Variants in ANO3 observed in about 807,000 individuals in gnomAD.
ANO3 encodes anoctamin-3.
Under a neutral mutation model 144.8 loss-of-function variants are expected in ANO3, and 99 were observed. The ratio of observed to expected loss-of-function variants is 0.68; its 90% CI spans 0.58 to 0.81. The LOEUF (loss-of-function observed/expected upper bound fraction) is 0.81, where lower values mean the gene tolerates loss of function less well. Ranked by LOEUF, ANO3 falls within the 30% of genes least tolerant of loss-of-function variation. The pLI, the probability that ANO3 is intolerant of heterozygous loss-of-function variation, is 0.00. For missense variants in ANO3, 905 were observed against 1,202.2 expected, an observed-to-expected ratio of 0.75 and a Z score of 3.66; for synonymous variants, 414 against 392.6, an observed-to-expected ratio of 1.05 and a Z score of -0.64.
chr11:26,344,167 T>C (rs1018610311), intron 1 of ANO3, among the ~76,000 whole-genome samples: 1 of 152,182 alleles, frequency 6.6e-6, no homozygotes, highest in Non-Finnish European at 1.5e-5. Flanking sequence ...GCAATATTAT[T>C]CATGGAGTGA....
At chr11:26,651,637 T>C (rs572761016) in intron 24 of ANO3, among the ~76,000 whole-genome samples, 1 of 152,238 alleles carries the variant, frequency 6.6e-6, no homozygotes, top group South Asian at 2.1e-4. Flanking sequence ...TGTTTTTAAA[T>C]GAAGTAATAG....
At chr11:26,595,466 T>TTTTTG (rs1565130564) in intron 14 of ANO3, among the ~76,000 whole-genome samples, 2 of 143,870 alleles carry the variant, frequency 1.4e-5, no homozygotes, top group Admixed American at 7.0e-5. Flanking sequence ...AGTTGTTTTT[T>TTTTTG]TTTTTTTTTT....
At chr11:26,285,980 T>C (rs1853797596) in intron 1 of ANO3, 1 of 152,166 alleles carries the variant, frequency 6.6e-6, no homozygotes, top group Non-Finnish European at 1.5e-5. Context: ...ACACAAGGTG[T>C]TGTGAGTTAT....
Position 26,639,187 on chromosome 11 carries a change from G to T in ANO3, c.2087G>T (p.Gly696Val). The T allele has an allele frequency of 6.2e-7, 1 of 1,613,538 alleles. No individual in the cohort carries two copies. The highest frequency in any genetic ancestry group is 8.5e-7 in the Non-Finnish European group (1 of 1,179,626). Residue 696 changes from glycine (G) to valine (V), a missense_variant, in exon 21 of 27, where the codon GGT becomes GTT. Coordinates refer to ENST00000256737, the MANE Select transcript of ANO3 (RefSeq NM_031418.4). ...TTGATAGACCTCTGCCTCCAGATGG[G>T]TGTCATCATGTTTTTGAAGCAAATA... ...GCLIDLCLQM[G>V]VIMFLKQIWN... is the part of the protein sequence containing the mutation.
At chr11:26,352,290 C>T (rs957176798) in intron 1 of ANO3, among the ~76,000 whole-genome samples, 1 of 152,136 alleles carries the variant, frequency 6.6e-6, no homozygotes, top group Non-Finnish European at 1.5e-5. Flanking sequence ...TAGTCATCCA[C>T]CTTGAGATCT....
chr11:26,310,862 A>G (rs1854488108), intron 1 of ANO3, among the ~76,000 whole-genome samples: 1 of 152,212 alleles, frequency 6.6e-6, no homozygotes, highest in African/African-American at 2.4e-5. Context: ...GTAACTGAAG[A>G]TCAATCTCTC....
intron 1 of ANO3, among the ~76,000 whole-genome samples, chr11:26,362,626 A>G (rs1855957794): frequency 1.3e-5 from 2 of 152,188 alleles, no homozygotes; most frequent in South Asian, 4.1e-4. Flanking sequence ...TTATCAGTTC[A>G]TCTTCTAAAT....
At position 26,449,908 on chromosome 11, in the gene ANO3, C is replaced by T. The variant is rs905144672; in HGVS notation, c.313+6072C>T. ...TAGCTGGGATTACAGGTGCCTACCA[C>T]CACATCCGGCTAATTTTTGGTATTT... On this transcript the variant is annotated intron_variant, in intron 3 of 26. Transcript: ENST00000256737. Among the ~76,000 whole-genome samples the T allele has an allele frequency of 3.3e-5, 5 of 152,174 alleles. No individual in the cohort carries two copies. In the South Asian group the frequency reaches 1.0e-3, roughly 32 times the overall value.
chr11:26,392,262 T>C (rs1856902191), intron 1 of ANO3, among the ~76,000 whole-genome samples: 1 of 143,476 alleles, frequency 7.0e-6, no homozygotes, highest in Non-Finnish European at 1.5e-5. Flanking sequence ...TTTTTAAGAA[T>C]ATGGCATCTA....
rs771090070 is a variant in ANO3, at chr11:26,332,253, C to T, written c.-23C>T. On this transcript the variant is annotated 5_prime_UTR_variant, in exon 1 of 27. Coordinates refer to ENST00000256737, the MANE Select transcript of ANO3 (RefSeq NM_031418.4). ...CTCCCTCTCGGGCAGCTCCCTAAGC[C>T]GGCTGGGACGCGCAGAGTGAAAATG... 2.5e-6 allele frequency: 4 copies of T among 1,613,886 alleles called. No individual in the cohort carries two copies. Among genetic ancestry groups the T allele is most frequent in the African/African-American group, 1.3e-5 (1 of 74,872 alleles).
At chr11:26,493,887 T>C (rs980743680) in intron 4 of ANO3, among the ~76,000 whole-genome samples, 1 of 152,198 alleles carries the variant, frequency 6.6e-6, no homozygotes, top group Non-Finnish European at 1.5e-5. Context: ...AAACTCTAAA[T>C]ACCTTCTTTC....
At chr11:26,590,556 G>A (rs867454949) in intron 14 of ANO3, among the ~76,000 whole-genome samples, 5 of 152,148 alleles carry the variant, frequency 3.3e-5, no homozygotes, top group Non-Finnish European at 5.9e-5. Context: ...TTGGCCTCAC[G>A]GATTCCAAGG....
rs191203048 is a variant in ANO3, at chr11:26,570,033, G to A, written c.1447+10254G>A. The stretch of plus-strand genomic sequence containing the variant: ...ATCACAAACTCGAAAACCTTCTAAA[G>A]GTAGAATTACTATAAAGTGAACAGA... On this transcript the variant is annotated intron_variant, in intron 14 of 26. Coordinates refer to ENST00000256737, the MANE Select transcript of ANO3 (RefSeq NM_031418.4). Among the ~76,000 whole-genome samples, 282 of 152,146 alleles carry A rather than the reference G, an allele frequency of 1.9e-3. 1 individual carries two copies. Among genetic ancestry groups the A allele is most frequent in the African/African-American group, 2.9e-3 (120 of 41,514 alleles).
chr11:26,218,909 T>A lies in ANO3; in HGVS notation c.154+29579T>A, dbSNP rs555794983. On this transcript the variant is annotated intron_variant, in intron 1 of 27. Coordinates refer to the ANO3 transcript ENST00000672621. The stretch of plus-strand genomic sequence containing the variant: ...AAAACTTGATTCTAAGTTGTCATAT[T>A]AAATTGCCACAGGATGAACAGTCAT... 9.6e-4 allele frequency among the ~76,000 whole-genome samples: 146 copies of A among 152,316 alleles called. 1 individual carries two copies. Among genetic ancestry groups the A allele is most frequent in the African/African-American group, 3.4e-3 (142 of 41,572 alleles).
chr11:26,650,560 A>G (rs1240212508), intron 24 of ANO3, among the ~76,000 whole-genome samples: 2 of 152,198 alleles, frequency 1.3e-5, no homozygotes, highest in South Asian at 2.1e-4. Context: ...GTAGTTTTGC[A>G]TAACTAAAGG....
At chr11:26,544,137 A>G (rs1849715743) in intron 11 of ANO3, among the ~76,000 whole-genome samples, 1 of 150,782 alleles carries the variant, frequency 6.6e-6, no homozygotes, top group Admixed American at 6.6e-5. Flanking sequence ...TTTAGTGTCA[A>G]TAGTTACATT....
chr11:26,352,049 C>A (rs1158228145), intron 1 of ANO3, among the ~76,000 whole-genome samples: 1 of 152,142 alleles, frequency 6.6e-6, no homozygotes, highest in African/African-American at 2.4e-5. Context: ...CTGGGCTTAC[C>A]TCGATGCAGT....
intron 1 of ANO3, among the ~76,000 whole-genome samples, chr11:26,360,696 T>C (rs1855902586): frequency 6.6e-6 from 1 of 152,234 alleles, no homozygotes; most frequent in Non-Finnish European, 1.5e-5. Context: ...TGGAATCCTC[T>C]CTGCATGTTT....
At chr11:26,407,072 G>GTATATATATATATATATATATA (rs1453977441) in intron 1 of ANO3, among the ~76,000 whole-genome samples, 1 of 101,426 alleles carries the variant, frequency 9.9e-6, no homozygotes, top group Non-Finnish European at 2.1e-5. Context: ...GTGTGTGTGT[G>GTATATATATATATATATATATA]TGTGTATATA....
Sources: allele counts gnomAD v4.1 joint callset (sites outside exome capture counted in the v4.1 genomes callset), GRCh38; gene constraint gnomAD v4.1.1; transcripts MANE v1.5; gene names NCBI Gene and HGNC (gene_info 2026-07-23, HGNC 2026-07-21).